EP400: variants seen among roughly 807,000 people sequenced by gnomAD.
EP400 encodes E1A binding protein p400.
A neutral mutation model predicts 354.1 loss-of-function variants in EP400; 105 were observed. That is an observed-to-expected ratio of 0.30 (90% CI 0.25 to 0.35). EP400 has a LOEUF of 0.35. Among genes scored for constraint, EP400 ranks in the 10% least tolerant of loss-of-function variants. EP400 has a pLI of 1.00. For synonymous variants in EP400, 1,646 were observed against 1,716.9 expected (o/e 0.96, Z 1.02); for missense variants, 3,280 against 4,121.0 (o/e 0.80, Z 5.59).
intron 2 of EP400, among the ~76,000 whole-genome samples, chr12:131,965,009 C>T (rs773807995): frequency 2.0e-4 from 30 of 152,204 alleles, no homozygotes; most frequent in Non-Finnish European, 3.4e-4. Flanking sequence ...TGGGCCTGGG[C>T]GTTAAAAAGT....
chr12:132,011,651 C>A lies in EP400; in HGVS notation c.3441+17C>A. ...AAGAGACAGGTATTTTTTTTTTAAA[C>A]ATAAAATAAAGCTAAACAGAAAGCC... On this transcript the variant is annotated intron_variant, in intron 16 of 52. Coordinates refer to ENST00000389561, the MANE Select transcript of EP400 (RefSeq NM_015409.5). The A allele has an allele frequency of 1.3e-6, 2 of 1,580,628 alleles. No homozygotes were observed. Among genetic ancestry groups the A allele is most frequent in the East Asian group, 2.2e-5 (1 of 44,478 alleles).
At chr12:132,043,491 A>C in intron 33 of EP400, 29 bp downstream of exon 33, 1 of 1,599,748 alleles carries the variant, frequency 6.3e-7, no homozygotes, top group Non-Finnish European at 8.5e-7. Flanking sequence ...TTACAACTAC[A>C]TATTTTAAAA....
chr12:132,061,752 G>A (rs563248742), intron 45 of EP400, among the ~76,000 whole-genome samples: 1 of 152,212 alleles, frequency 6.6e-6, no homozygotes, highest in Non-Finnish European at 1.5e-5. Flanking sequence ...CAGGACTGTG[G>A]GCTGTGTGTT....
chr12:132,003,674 A>G (rs1893491319), intron 12 of EP400, among the ~76,000 whole-genome samples: 1 of 152,146 alleles, frequency 6.6e-6, no homozygotes, highest in African/African-American at 2.4e-5. Context: ...GTAGTGGTGC[A>G]TCCCAGCATT....
In EP400 at chr12:132,067,566, C is replaced by G; in HGVS notation, c.8874+80C>G. The G allele has an allele frequency of 6.5e-7, 1 of 1,537,452 alleles. No homozygotes were observed. The highest frequency in any genetic ancestry group is 8.7e-7 in the Non-Finnish European group (1 of 1,144,974). On this transcript the variant is annotated intron_variant, in intron 50 of 52. Transcript: ENST00000389561. The surrounding 1 kb of genome is among the most constrained non-coding windows in gnomAD (Gnocchi z 5.3). The stretch of plus-strand genomic sequence containing the variant: ...GCTGGAGGAGAGGGTCCTAAGCAGA[C>G]AAATCCCCATGTGGCGGCTCACGCT...
chr12:132,022,844 G>A (rs1301302213), intron 23 of EP400, among the ~76,000 whole-genome samples: 1 of 152,036 alleles, frequency 6.6e-6, no homozygotes, highest in African/African-American at 2.4e-5. Flanking sequence ...GGAGGCTGAG[G>A]TGGGAGGATC....
Position 132,027,994 on chromosome 12 carries a change from T to C in EP400, c.5110-23T>C. The C allele has an allele frequency of 6.2e-7, 1 of 1,604,788 alleles. No individual in the cohort carries two copies. Among genetic ancestry groups the C allele is most frequent in the Non-Finnish European group, 8.5e-7 (1 of 1,172,744 alleles). On this transcript the variant is annotated intron_variant, in intron 26 of 52. Transcript: ENST00000389561. This position sits in a 1 kb window ranked among gnomAD's most constrained non-coding sequence, Gnocchi z 4.9. ...TGTCATTCTGTTTCTCAAGTAACTG[T>C]TTTTCATCACTTTTTGATAAAGGAG...
Position 131,990,846 on chromosome 12 carries a change from T to TA in EP400, c.2629+133dup, listed in dbSNP as rs543136765. 106 of 677,640 alleles carry TA rather than the reference T, an allele frequency of 1.6e-4. No individual in the cohort carries two copies. The highest frequency in any genetic ancestry group is 1.5e-3 in the African/African-American group (86 of 55,840). The allele number at this position is 677,640 out of a possible 1,614,324, so 42.0% of individuals were successfully genotyped here. ...GCTCATCAGCCAGCTGCCTGATTGT[T>TA]ACATTTCTCTTTGTGTGGCCATCCT... On this transcript the variant is annotated intron_variant, in intron 9 of 52. Coordinates refer to ENST00000389561, the MANE Select transcript of EP400 (RefSeq NM_015409.5). This position sits in a 1 kb window ranked among gnomAD's most constrained non-coding sequence, Gnocchi z 4.2.
At chr12:132,019,235 G>A (rs1894042194) in intron 21 of EP400, among the ~76,000 whole-genome samples, 1 of 152,150 alleles carries the variant, frequency 6.6e-6, no homozygotes, top group African/African-American at 2.4e-5. Flanking sequence ...AGAGACAGAG[G>A]TCTCCCTGTG....
In EP400 at chr12:132,073,459, C is replaced by CT. The variant is rs58724167; in HGVS notation, c.9022-3043dup. Reference sequence around the variant, plus strand: ...GTGCGTTTTAATTCTGTCCCTTTTCCTTTTTTTTTTTTTTGACACAGTCTT... The same window carrying CT: ...GTGCGTTTTAATTCTGTCCCTTTTCCTTTTTTTTTTTTTTTGACACAGTCTT... On this transcript the variant is annotated intron_variant, in intron 51 of 52. Transcript: ENST00000389561. Among the ~76,000 whole-genome samples the CT allele has an allele frequency of 4.1e-3, 488 of 117,652 alleles. 7 individuals carry two copies. The highest frequency in any genetic ancestry group is 7.8e-3 in the Middle Eastern group (2 of 256). The allele number at this position is 117,652 out of a possible 152,430, so 77.2% of individuals were successfully genotyped here.
intron 43 of EP400, 54 bp downstream of exon 43, chr12:132,053,651 GCACTTGATTCA>G (rs549777107): frequency 9.7e-6 from 14 of 1,443,224 alleles, no homozygotes; most frequent in Non-Finnish European, 1.2e-5. Context: ...ACCCACACCT[GCACTTGATTCA>G]AGTGCTTTCT....
At chr12:132,031,656 C>A (rs1207697046) in intron 29 of EP400, among the ~76,000 whole-genome samples, 1 of 152,182 alleles carries the variant, frequency 6.6e-6, no homozygotes, top group East Asian at 1.9e-4. Flanking sequence ...CCCGGGTTCA[C>A]GCCATTCTCC....
rs528214697 is a variant in EP400, at chr12:132,062,548, ACAGCAGCAG to A, written c.8217_8225del (p.Gln2746_Gln2748del). ...GGCAGCAGCAGCAGCAGCAGCAACA[ACAGCAGCAG>A]CAGCAGCAGCAGCAGCAGCAGCAGC... On this transcript the variant is annotated inframe_deletion, in exon 47 of 53. Transcript: ENST00000389561. 6.2e-4 allele frequency: 965 copies of A among 1,564,222 alleles called. 3 individuals are homozygous for A. The highest frequency in any genetic ancestry group is 4.3e-3 in the South Asian group (379 of 88,534).
In EP400 at chr12:132,028,081, G is replaced by T; in HGVS notation, c.5174G>T (p.Cys1725Phe). The T allele has an allele frequency of 6.2e-7, 1 of 1,614,236 alleles. No individual in the cohort carries two copies. The highest frequency in any genetic ancestry group is 8.5e-7 in the Non-Finnish European group (1 of 1,180,040). ...ATTTATTTAGTCAACGAGCGGCGCT[G>T]TTCTCAAGCTCCAGTCTATGGCAGA... ...DQIYLVNERR[C>F]SQAPVYGRDL... The change falls in exon 27 of 53, where the codon TGT becomes TTT. Residue 1725 changes from cysteine to phenylalanine, a missense_variant. Physicochemically the swap from Cys to Phe is radical, Grantham distance 205 (BLOSUM62 -2). Around this residue, in one of 20 missense-constraint regions of EP400, gnomAD observed 459 missense variants for 496.9 expected, o/e 0.92. Coordinates refer to ENST00000389561, the MANE Select transcript of EP400 (RefSeq NM_015409.5).
intron 32 of EP400, among the ~76,000 whole-genome samples, chr12:132,042,007 A>G (rs971150140): frequency 4.2e-5 from 6 of 144,036 alleles, no homozygotes; most frequent in African/African-American, 1.1e-4. Context: ...GCTGCAGTGC[A>G]GTGGTGTGAT....
rs550190105 is a variant in EP400 at position 131,990,352 on chromosome 12, T to C, written c.2550+248T>C. On this transcript the variant is annotated intron_variant, in intron 8 of 52. Transcript: ENST00000389561. This position sits in a 1 kb window ranked among gnomAD's most constrained non-coding sequence, Gnocchi z 4.2. ...GAGGTGCTTCATGCCGTGGAGGGGC[T>C]CTGGGCATTGTTTCAGGGTTAGCGT... Among the ~76,000 whole-genome samples the C allele has an allele frequency of 3.1e-4, 47 of 152,310 alleles. No individual in the cohort carries two copies. Among genetic ancestry groups the C allele is most frequent in the Non-Finnish European group, 5.9e-4 (40 of 68,016 alleles).
At position 132,050,325 on chromosome 12, in the gene EP400, T is replaced by C. The variant is rs761225363; in HGVS notation, c.7203T>C (p.Ser2401=). Residue 2401 remains serine (S), a splice_region_variant and synonymous_variant, in exon 40 of 53, where the codon AGT becomes AGC. Coordinates refer to ENST00000389561, the MANE Select transcript of EP400 (RefSeq NM_015409.5). This position sits in a 1 kb window ranked among gnomAD's most constrained non-coding sequence, Gnocchi z 4.8. The stretch of plus-strand genomic sequence containing the variant: ...CACTCTCGTCAATTTCATTGCAGAG[T>C]AAAAACAACCGTCCTCTCCGTACGA... The part of the protein sequence containing the change: ...NVIIPREEGK[S]KNNRPLRTSQ... The C allele has an allele frequency of 1.2e-6, 2 of 1,613,818 alleles. No homozygotes were observed. Among genetic ancestry groups the C allele is most frequent in the Non-Finnish European group, 1.7e-6 (2 of 1,179,948 alleles).
intron 45 of EP400, among the ~76,000 whole-genome samples, chr12:132,061,367 G>A (rs948468068): frequency 6.6e-6 from 1 of 152,234 alleles, no homozygotes; most frequent in South Asian, 2.1e-4. Context: ...TGGAAAACAT[G>A]GAGTAACACG....
At chr12:132,020,975 A>G (rs2136542579) in intron 22 of EP400, 104 bp from the exon 23 acceptor site, 1 of 1,386,570 alleles carries the variant, frequency 7.2e-7, no homozygotes, top group African/African-American at 1.5e-5. Context: ...CATTTGAGAG[A>G]CGGTGTGAAA....
Sources: gnomAD v4.1 joint callset for allele counts (sites outside exome capture counted in the v4.1 genomes callset) on GRCh38, gnomAD v4.1.1 for gene constraint, gnomAD v4.1.1 regional missense constraint, Gnocchi (gnomAD v3.1) non-coding constraint, MANE v1.5 for transcripts, NCBI Gene and HGNC (gene_info 2026-07-23, HGNC 2026-07-21) for gene names.